NECTIN3: variants seen among roughly 807,000 people sequenced by gnomAD.
NECTIN3 encodes nectin cell adhesion molecule 3.
Under a neutral mutation model 49.4 loss-of-function variants are expected in NECTIN3, and 8 were observed. The ratio of observed to expected loss-of-function variants is 0.16; its 90% confidence interval spans 0.10 to 0.29. NECTIN3 has a LOEUF of 0.29. Among genes scored for constraint, NECTIN3 ranks in the 10% least tolerant of loss-of-function variants. The pLI is 1.00. For synonymous variants in NECTIN3, 277 were observed against 241.1 expected (o/e 1.15, Z -1.38); for missense variants, 581 against 654.6 (o/e 0.89, Z 1.23).
rs761824560 is a variant in NECTIN3 at position 111,118,849 on chromosome 3, G to C, written c.696G>C (p.Lys232Asn). ...NETATIISQY[K>N]LFPTRFARGR... ...CGGCAACGATTATCAGCCAGTACAAGCTATTTCCAACCAGATTTGCTAGAG... is the reference window on the plus strand; with the variant it reads ...CGGCAACGATTATCAGCCAGTACAACCTATTTCCAACCAGATTTGCTAGAG... Residue 232 changes from lysine to asparagine, a missense_variant, in exon 3 of 6, where the codon AAG becomes AAC. Physicochemically the swap from Lys to Asn is moderately conservative, Grantham distance 94 (BLOSUM62 0). Around this residue, in one of 3 missense-constraint regions of NECTIN3, gnomAD observed 234 missense variants for 340.6 expected, o/e 0.69. Transcript: ENST00000485303. The C allele has an allele frequency of 6.2e-7, 1 of 1,614,072 alleles. No individual in the cohort carries two copies. The highest frequency in any genetic ancestry group is 8.5e-7 in the Non-Finnish European group (1 of 1,180,000).
At chr3:111,106,794 G>C (rs2033200077) in intron 1 of NECTIN3, among the ~76,000 whole-genome samples, 1 of 152,096 alleles carries the variant, frequency 6.6e-6, no homozygotes, top group South Asian at 2.1e-4. Context: ...GATTTTCAAA[G>C]GTGGTGTTTA....
intron 1 of NECTIN3, chr3:111,193,613 T>C (rs2107540669): frequency 1.9e-6 from 1 of 518,912 alleles, no homozygotes; most frequent in Non-Finnish European, 3.4e-6. Context: ...GTTTCTGTGA[T>C]GATGGTATTT....
chr3:111,083,642 C>T (rs1034349640), intron 1 of NECTIN3, among the ~76,000 whole-genome samples: 1 of 152,072 alleles, frequency 6.6e-6, no homozygotes, highest in Non-Finnish European at 1.5e-5. Context: ...GCAGCCCAAG[C>T]CGAGACATCA....
At chr3:111,101,890 T>A (rs539113300) in intron 1 of NECTIN3, among the ~76,000 whole-genome samples, 1 of 152,256 alleles carries the variant, frequency 6.6e-6, no homozygotes, top group Non-Finnish European at 1.5e-5. Context: ...CCAGCCTTAT[T>A]TGTACTTATG....
chr3:111,071,987 G>A lies in NECTIN3; in HGVS notation c.-31G>A. On this transcript the variant is annotated 5_prime_UTR_variant, in exon 1 of 6. Coordinates refer to ENST00000485303, the MANE Select transcript of NECTIN3 (RefSeq NM_015480.3). ...CGGGGCCGGGGGAGCCGGGGGGCGG[G>A]CGGGCGAGCGGGCCGGGGGGAGGGT... is the stretch of plus-strand genomic sequence containing the variant. 2 of 1,410,674 alleles carry A rather than the reference G, an allele frequency of 1.4e-6. No individual in the cohort carries two copies. The highest frequency in any genetic ancestry group is 1.9e-6 in the Non-Finnish European group (2 of 1,078,950). The allele number at this position is 1,410,674 out of a possible 1,614,324, so 87.4% of individuals were successfully genotyped here. A position where few individuals can be genotyped will look rare whatever the true frequency, so the allele number is the denominator to read the frequency against.
intron 1 of NECTIN3, among the ~76,000 whole-genome samples, chr3:111,078,084 A>G (rs1476226986): frequency 1.3e-5 from 2 of 152,222 alleles, no homozygotes; most frequent in Non-Finnish European, 2.9e-5. Context: ...TTATACTTAT[A>G]GATCATTTCA....
intron 5 of NECTIN3, among the ~76,000 whole-genome samples, chr3:111,129,804 A>G (rs1156935382): frequency 6.6e-6 from 1 of 151,796 alleles, no homozygotes; most frequent in Non-Finnish European, 1.5e-5. Flanking sequence ...ACACGCTGCC[A>G]TGCTCAGCTA....
intron 7 of NECTIN3, among the ~76,000 whole-genome samples, chr3:111,158,367 A>T (rs909075814): frequency 1.3e-5 from 2 of 152,094 alleles, no homozygotes; most frequent in African/African-American, 4.8e-5. Context: ...ACGGAAGGTA[A>T]TAATCTCAAT....
intron 1 of NECTIN3, among the ~76,000 whole-genome samples, chr3:111,089,206 A>G (rs964653765): frequency 2.6e-5 from 4 of 152,030 alleles, no homozygotes; most frequent in African/African-American, 7.2e-5. Flanking sequence ...AGTCTTTCCA[A>G]GAGATTTTCA....
At chr3:111,072,538 T>A (rs2030854874) in intron 1 of NECTIN3, 2 of 1,535,826 alleles carry the variant, frequency 1.3e-6, no homozygotes, top group Non-Finnish European at 1.7e-6. Flanking sequence ...GATGCACGTT[T>A]GCCGCTTTTT....
intron 1 of NECTIN3, among the ~76,000 whole-genome samples, chr3:111,106,109 T>C (rs189936506): frequency 7.9e-5 from 12 of 152,224 alleles, no homozygotes; most frequent in Non-Finnish European, 1.6e-4. Flanking sequence ...GCCAGCTTTA[T>C]TGATGCTACT....
At chr3:111,139,730 C>T (rs2034692979), downstream of NECTIN3, among the ~76,000 whole-genome samples, 1 of 151,714 alleles carries the variant, frequency 6.6e-6, no homozygotes, top group East Asian at 1.9e-4. Context: ...TATTTCTCTT[C>T]TCCAGATCAG....
At chr3:111,107,999 G>T (rs2033260081) in intron 1 of NECTIN3, among the ~76,000 whole-genome samples, 1 of 152,102 alleles carries the variant, frequency 6.6e-6, no homozygotes, top group African/African-American at 2.4e-5. Context: ...TAGAAGAGTA[G>T]TACAACGCTT....
chr3:111,120,110 A>G lies in NECTIN3; in HGVS notation c.799+1158A>G, dbSNP rs73854907. Among the ~76,000 whole-genome samples, 1,312 of 152,110 alleles carry G rather than the reference A, an allele frequency of 8.6e-3. 26 individuals are homozygous for G. The highest frequency in any genetic ancestry group is 0.029 in the African/African-American group (1,223 of 41,502). On this transcript the variant is annotated intron_variant, in intron 3 of 5. Coordinates refer to ENST00000485303, the MANE Select transcript of NECTIN3 (RefSeq NM_015480.3). ...TAAAATTTTTCTTTTTCCTTTTCCT[A>G]CCTTGCTTTTACAGAGTGTTAACTT...
chr3:111,179,717 A>AC (rs1482843396), intron 7 of NECTIN3, among the ~76,000 whole-genome samples: 5 of 151,968 alleles, frequency 3.3e-5, no homozygotes, highest in Non-Finnish European at 7.4e-5. Context: ...ACACGGTGAA[A>AC]CCCCGTCTCT....
chr3:111,095,656 T>A (rs1158872959), intron 1 of NECTIN3, among the ~76,000 whole-genome samples: 2 of 152,178 alleles, frequency 1.3e-5, no homozygotes, highest in Non-Finnish European at 2.9e-5. Flanking sequence ...AGGGACCCTA[T>A]GGGAGGTAAT....
chr3:111,112,043 A>T lies in NECTIN3; in HGVS notation c.174A>T (p.Gly58=). 1.2e-6 allele frequency: 2 copies of T among 1,608,212 alleles called. 1 individual carries two copies. Among genetic ancestry groups the T allele is most frequent in the East Asian group, 4.5e-5 (2 of 44,776 alleles). The change falls in exon 2 of 6, where the codon GGA becomes GGT. Residue 58 remains glycine, a synonymous_variant. Coordinates refer to ENST00000485303, the MANE Select transcript of NECTIN3 (RefSeq NM_015480.3). ...TTTCCTCCATAGGTGCCTTAGCTGGACCAATTATTGTGGAGCCACATGTCA... is the reference window on the plus strand; with the variant it reads ...TTTCCTCCATAGGTGCCTTAGCTGGTCCAATTATTGTGGAGCCACATGTCA... ...LFSRLCGALA[G]PIIVEPHVTA...
chr3:111,073,177 G>C (rs1451208530), intron 1 of NECTIN3, among the ~76,000 whole-genome samples: 1 of 152,086 alleles, frequency 6.6e-6, no homozygotes, highest in Non-Finnish European at 1.5e-5. Flanking sequence ...TTATTTGAGG[G>C]CTCTTGGTAA....
intron 5 of NECTIN3, among the ~76,000 whole-genome samples, chr3:111,130,958 A>G (rs138731539): frequency 6.6e-6 from 1 of 152,192 alleles, no homozygotes; most frequent in East Asian, 1.9e-4. Flanking sequence ...TAAAACTCTT[A>G]TTCCTGTGCA....
Sources: allele counts gnomAD v4.1 joint callset (sites outside exome capture counted in the v4.1 genomes callset), GRCh38; gene constraint gnomAD v4.1.1; regional missense constraint gnomAD v4.1.1; transcripts MANE v1.5; gene names NCBI Gene and HGNC (gene_info 2026-07-23, HGNC 2026-07-21).